The following MKLN1 variants were observed in gnomAD, a reference collection of about 807,000 sequenced individuals.
MKLN1 encodes the protein muskelin.
Under a neutral mutation model 99.0 loss-of-function variants are expected in MKLN1, and 18 were observed. The ratio of observed to expected loss-of-function variants is 0.18; its 90% confidence interval spans 0.13 to 0.27. The LOEUF (loss-of-function observed/expected upper bound fraction) is 0.27. Ranked by LOEUF, MKLN1 falls within the 10% of genes least tolerant of loss-of-function variation. The pLI is 1.00. For synonymous variants in MKLN1, 288 were observed against 293.2 expected (o/e 0.98, Z 0.18); for missense variants, 621 against 875.9 (o/e 0.71, Z 3.67).
At chr7:131,228,199 G>T (rs1797185966) in intron 3 of MKLN1, among the ~76,000 whole-genome samples, 1 of 152,174 alleles carries the variant, frequency 6.6e-6, no homozygotes, top group African/African-American at 2.4e-5. Context: ...GAGTAGCTGG[G>T]ACTACAGGTG....
intron 1 of MKLN1, among the ~76,000 whole-genome samples, chr7:131,129,597 A>T (rs889818507): frequency 6.6e-6 from 1 of 152,222 alleles, no homozygotes; most frequent in African/African-American, 2.4e-5. Flanking sequence ...ATTTAAAGAC[A>T]GGGTCTCTCT....
intron 2 of MKLN1, among the ~76,000 whole-genome samples, chr7:131,382,037 C>A (rs1367331136): frequency 2.0e-5 from 3 of 152,102 alleles, no homozygotes; most frequent in African/African-American, 7.2e-5. Flanking sequence ...AATCGTTTTC[C>A]AATTTTTGGC....
At chr7:131,398,942 G>A (rs1794444385) in intron 5 of MKLN1, among the ~76,000 whole-genome samples, 2 of 152,178 alleles carry the variant, frequency 1.3e-5, no homozygotes, top group Admixed American at 1.3e-4. Context: ...ATTAAGTGGA[G>A]TTTAAGAAAT....
At chr7:131,126,211 C>T (rs910698109) in intron 1 of MKLN1, among the ~76,000 whole-genome samples, 19 of 151,966 alleles carry the variant, frequency 1.3e-4, no homozygotes, top group African/African-American at 2.7e-4. Context: ...GGCTCAGATC[C>T]GTGAGACCCA....
At chr7:131,213,622 C>G (rs944189787) in intron 3 of MKLN1, among the ~76,000 whole-genome samples, 1 of 152,108 alleles carries the variant, frequency 6.6e-6, no homozygotes, top group East Asian at 1.9e-4. Flanking sequence ...GGAAAATCAC[C>G]CTTGGTTGAA....
chr7:131,407,363 CTT>C lies in MKLN1; in HGVS notation c.704-3941_704-3940del, dbSNP rs1794738475. ...AAATTTGTGGAAAGGTATTTGGCTA[CTT>C]TCATCTATTGCAGGCTACATTTTTC... On this transcript the variant is annotated intron_variant, in intron 6 of 17. Transcript: ENST00000352689. 5.9e-5 allele frequency among the ~76,000 whole-genome samples: 9 copies of C among 151,822 alleles called. No homozygotes were observed. In the South Asian group the frequency reaches 1.9e-3, roughly 31 times the overall value.
intron 1 of MKLN1, among the ~76,000 whole-genome samples, chr7:131,117,159 C>T (rs1204612847): frequency 1.3e-5 from 2 of 151,964 alleles, no homozygotes; most frequent in Non-Finnish European, 2.9e-5. Flanking sequence ...AGGCTGGGCG[C>T]GGTGGCTCAG....
intron 8 of MKLN1, among the ~76,000 whole-genome samples, chr7:131,419,245 TA>T (rs1795118677): frequency 7.6e-6 from 1 of 131,916 alleles, no homozygotes; most frequent in African/African-American, 2.7e-5. Flanking sequence ...TATATATATA[TA>T]TTTTTGTTTT....
At chr7:131,357,197 A>G (rs1204756279) in intron 1 of MKLN1, among the ~76,000 whole-genome samples, 1 of 152,168 alleles carries the variant, frequency 6.6e-6, no homozygotes, top group East Asian at 1.9e-4. Context: ...AGGATACCAC[A>G]TCAAGTTTGT....
At chr7:131,417,782 A>G (rs1190368419) in intron 8 of MKLN1, among the ~76,000 whole-genome samples, 3 of 152,222 alleles carry the variant, frequency 2.0e-5, no homozygotes, top group Non-Finnish European at 2.9e-5. Flanking sequence ...TTTATCATTC[A>G]CTATAGAGGG....
chr7:131,417,491 A>T (rs1019667821), intron 8 of MKLN1, among the ~76,000 whole-genome samples: 6 of 152,176 alleles, frequency 3.9e-5, no homozygotes, highest in Non-Finnish European at 8.8e-5. Flanking sequence ...TCAAGTTCTC[A>T]TGCTTTTCAG....
At chr7:131,376,095 A>AAT (rs60323728) in intron 2 of MKLN1, among the ~76,000 whole-genome samples, 4,438 of 105,808 alleles carry the variant, frequency 0.042, 102 homozygotes, top group Non-Finnish European at 0.055. Flanking sequence ...AATTCATGGA[A>AAT]ATATATATAT....
At chr7:131,450,117 T>C (rs1796136592) in intron 12 of MKLN1, among the ~76,000 whole-genome samples, 1 of 152,180 alleles carries the variant, frequency 6.6e-6, no homozygotes, top group Non-Finnish European at 1.5e-5. Flanking sequence ...TAGTTTGGGC[T>C]AACATCACCT....
At chr7:131,372,487 A>G (rs1793494638) in intron 1 of MKLN1, among the ~76,000 whole-genome samples, 3 of 152,086 alleles carry the variant, frequency 2.0e-5, no homozygotes, top group Non-Finnish European at 4.4e-5. Flanking sequence ...CTGTTTATGA[A>G]TGTTATTACT....
At chr7:131,469,580 G>A (rs1464535130) in intron 15 of MKLN1, among the ~76,000 whole-genome samples, 1 of 152,168 alleles carries the variant, frequency 6.6e-6, no homozygotes, top group Non-Finnish European at 1.5e-5. Context: ...CAAGAGAGCT[G>A]TAATATTTTG....
intron 1 of MKLN1, among the ~76,000 whole-genome samples, chr7:131,373,303 AT>A (rs539470980): frequency 2.4e-4 from 36 of 151,762 alleles, no homozygotes; most frequent in African/African-American, 8.2e-4. Flanking sequence ...TTGATTTTGG[AT>A]TTTTTTTGTC....
At chr7:131,173,140 A>ACAC (rs1796240902) in intron 2 of MKLN1, among the ~76,000 whole-genome samples, 1 of 150,002 alleles carries the variant, frequency 6.7e-6, no homozygotes, top group Non-Finnish European at 1.5e-5. Flanking sequence ...TGTATATACA[A>ACAC]ACACACACAC....
chr7:131,303,827 AT>A (rs1214809741), intron 3 of MKLN1, among the ~76,000 whole-genome samples: 1 of 152,210 alleles, frequency 6.6e-6, no homozygotes, highest in Non-Finnish European at 1.5e-5. Flanking sequence ...TCACTCTTAT[AT>A]CCCCATTGTG....
At chr7:131,174,139 A>AT (rs1397404376) in intron 2 of MKLN1, among the ~76,000 whole-genome samples, 1 of 151,732 alleles carries the variant, frequency 6.6e-6, no homozygotes, top group African/African-American at 2.4e-5. Flanking sequence ...CACCCGGCTA[A>AT]TTTTTTGTAT....
Sources: allele counts gnomAD v4.1 joint callset (sites outside exome capture counted in the v4.1 genomes callset), GRCh38; gene constraint gnomAD v4.1.1; transcripts MANE v1.5; gene names NCBI Gene and HGNC (gene_info 2026-07-23, HGNC 2026-07-21).